Variants in AKAP6 observed in about 807,000 individuals in gnomAD.
AKAP6 encodes the protein A-kinase anchor protein 6.
In AKAP6, 58 loss-of-function variants were observed where a neutral mutation model predicts 188.5. The observed-to-expected ratio is 0.31, with a 90% CI of 0.25 to 0.38. The LOEUF (loss-of-function observed/expected upper bound fraction) is 0.38, where lower values mean the gene tolerates loss of function less well. Among genes scored for constraint, AKAP6 ranks in the 10% least tolerant of loss-of-function variants. The pLI is 1.00. For missense variants in AKAP6, 2,710 were observed against 2,740.0 expected, an observed-to-expected ratio of 0.99 and a Z score of 0.24; for synonymous variants, 989 against 998.6, an observed-to-expected ratio of 0.99 and a Z score of 0.18.
At position 32,353,447 on chromosome 14, in the gene AKAP6, G is replaced by A. The variant is rs551826370; in HGVS notation, c.-35+24039G>A. Among the ~76,000 whole-genome samples the A allele has an allele frequency of 9.2e-5, 14 of 152,234 alleles. No individual in the cohort carries two copies. In the South Asian group the frequency reaches 2.9e-3, roughly 32 times the overall value. On this transcript the variant is annotated intron_variant, in intron 1 of 13. Transcript: ENST00000280979. ...GTGGTGGCGGGCGCCTGTAGTCCCA[G>A]CTACTCGGGAGGCTGAGGCAGGAGA...
At chr14:32,694,989 G>A (rs973257638) in intron 8 of AKAP6, among the ~76,000 whole-genome samples, 51 of 152,262 alleles carry the variant, frequency 3.3e-4, no homozygotes, top group African/African-American at 1.1e-3. Flanking sequence ...GAGGGGTAAA[G>A]GACAAAGTCA....
At chr14:32,409,218 A>G (rs1190626965) in intron 1 of AKAP6, among the ~76,000 whole-genome samples, 1 of 152,084 alleles carries the variant, frequency 6.6e-6, no homozygotes, top group Non-Finnish European at 1.5e-5. Context: ...AAACAAAACA[A>G]AAAAGATTAG....
chr14:32,744,861 C>T (rs1203286561), intron 11 of AKAP6, among the ~76,000 whole-genome samples: 1 of 152,036 alleles, frequency 6.6e-6, no homozygotes, highest in African/African-American at 2.4e-5. Context: ...TTCAAGCTCA[C>T]TAATTCTTCT....
intron 2 of AKAP6, among the ~76,000 whole-genome samples, chr14:32,459,310 C>T (rs930168987): frequency 1.3e-5 from 2 of 152,066 alleles, no homozygotes; most frequent in Admixed American, 1.3e-4. Context: ...AGAGTTTGGT[C>T]ATACAGCTGT....
chr14:32,729,826 A>T (rs572059723), intron 9 of AKAP6, among the ~76,000 whole-genome samples: 2 of 152,168 alleles, frequency 1.3e-5, no homozygotes, highest in Non-Finnish European at 2.9e-5. Context: ...ATTTTTGCCT[A>T]TTGAAGAGTA....
chr14:32,795,944 C>CA (rs1305671447), intron 12 of AKAP6, among the ~76,000 whole-genome samples: 1 of 152,164 alleles, frequency 6.6e-6, no homozygotes, highest in Non-Finnish European at 1.5e-5. Flanking sequence ...TCTCAGGATA[C>CA]AAAATCAATT....
At chr14:32,430,477 A>T (rs1890181718) in intron 1 of AKAP6, among the ~76,000 whole-genome samples, 1 of 152,160 alleles carries the variant, frequency 6.6e-6, no homozygotes, top group Admixed American at 6.5e-5. Flanking sequence ...CCCTGCCTTG[A>T]CTTAGGAGTT....
intron 12 of AKAP6, among the ~76,000 whole-genome samples, chr14:32,799,730 G>A (rs1377440931): frequency 6.6e-6 from 1 of 152,000 alleles, no homozygotes; most frequent in African/African-American, 2.4e-5. Context: ...GGCCCACGTT[G>A]TAGTATGTCT....
intron 5 of AKAP6, among the ~76,000 whole-genome samples, chr14:32,589,271 GT>G (rs1885378037): frequency 6.6e-6 from 1 of 152,176 alleles, no homozygotes; most frequent in African/African-American, 2.4e-5. Context: ...CCATTTGCTT[GT>G]CCCCCTTGAT....
intron 1 of AKAP6, among the ~76,000 whole-genome samples, chr14:32,392,577 T>C (rs540693387): frequency 6.6e-6 from 1 of 152,294 alleles, no homozygotes; most frequent in East Asian, 1.9e-4. Flanking sequence ...TCTAAATACC[T>C]TTTCCAAATA....
chr14:32,631,175 G>A (rs1594797044), intron 7 of AKAP6, among the ~76,000 whole-genome samples: 1 of 151,694 alleles, frequency 6.6e-6, no homozygotes, highest in Admixed American at 6.6e-5. Flanking sequence ...ATTTCATATG[G>A]CATATGAAAT....
chr14:32,473,016 G>T (rs1448373096), intron 2 of AKAP6, among the ~76,000 whole-genome samples: 1 of 152,168 alleles, frequency 6.6e-6, no homozygotes, highest in Non-Finnish European at 1.5e-5. Flanking sequence ...AATGATTAAA[G>T]TTGAGCCCAG....
chr14:32,498,575 T>C (rs903032635), intron 2 of AKAP6, among the ~76,000 whole-genome samples: 4 of 152,186 alleles, frequency 2.6e-5, no homozygotes, highest in African/African-American at 9.6e-5. Context: ...ATGTAGCAAA[T>C]ATTTGTTCAT....
At chr14:32,333,377 A>C (rs757764145) in intron 1 of AKAP6, among the ~76,000 whole-genome samples, 1 of 152,174 alleles carries the variant, frequency 6.6e-6, no homozygotes, top group African/African-American at 2.4e-5. Context: ...TATTTATTGA[A>C]TATCTCCTAT....
intron 12 of AKAP6, among the ~76,000 whole-genome samples, chr14:32,775,127 T>G (rs980642968): frequency 6.6e-6 from 1 of 152,232 alleles, no homozygotes; most frequent in Non-Finnish European, 1.5e-5. Flanking sequence ...ATTAGATGTC[T>G]TTTCTTGAAA....
intron 1 of AKAP6, among the ~76,000 whole-genome samples, chr14:32,377,610 C>T (rs1007181997): frequency 6.6e-6 from 1 of 152,072 alleles, no homozygotes; most frequent in Admixed American, 6.5e-5. Flanking sequence ...AAGGGCTGCC[C>T]ATTTGGGTAA....
At chr14:32,821,258 A>C in intron 12 of AKAP6, 144 bp from the exon 13 acceptor site, 1 of 783,550 alleles carries the variant, frequency 1.3e-6, no homozygotes, top group Non-Finnish European at 2.0e-6. Flanking sequence ...TCAGAGAGGA[A>C]TAGAGTTGAT....
intron 1 of AKAP6, among the ~76,000 whole-genome samples, chr14:32,382,647 T>C (rs890666173): frequency 2.6e-5 from 4 of 152,140 alleles, no homozygotes; most frequent in South Asian, 2.1e-4. Context: ...GAATGAAAAA[T>C]TGGCAGGATT....
intron 7 of AKAP6, among the ~76,000 whole-genome samples, chr14:32,629,412 CA>C (rs5807669): frequency 2.9e-3 from 258 of 90,230 alleles, no homozygotes; most frequent in Middle Eastern, 8.3e-3. Flanking sequence ...GCGAGTTTCT[CA>C]AAAAAAAAAA....
Sources: allele counts gnomAD v4.1 joint callset (sites outside exome capture counted in the v4.1 genomes callset), GRCh38; gene constraint gnomAD v4.1.1; transcripts MANE v1.5; gene names NCBI Gene and HGNC (gene_info 2026-07-23, HGNC 2026-07-21).